The following LRRK1 variants were observed in gnomAD, a reference collection of about 807,000 sequenced individuals.
LRRK1 encodes leucine rich repeat kinase 1, also known as leucine-rich repeat serine/threonine-protein kinase 1.
A neutral mutation model predicts 209.1 loss-of-function variants in LRRK1; 113 were observed. The ratio of observed to expected loss-of-function variants is 0.54; its 90% CI spans 0.46 to 0.63. The LOEUF (loss-of-function observed/expected upper bound fraction) is 0.63. LRRK1 is among the 30% of genes least tolerant of loss of function. LRRK1 has a pLI of 0.00. For missense variants in LRRK1, 2,284 were observed against 2,632.2 expected (o/e 0.87, Z 2.89); for synonymous variants, 1,144 against 1,099.7 (o/e 1.04, Z -0.80).
chr15:100,932,201 G>C (rs2042225104), intron 2 of LRRK1, among the ~76,000 whole-genome samples: 1 of 152,140 alleles, frequency 6.6e-6, no homozygotes. Context: ...GGCCGGGCTG[G>C]TCTGGAACTC....
intron 6 of LRRK1, among the ~76,000 whole-genome samples, chr15:100,996,475 C>T (rs1383435814): frequency 6.6e-6 from 1 of 152,266 alleles, no homozygotes; most frequent in East Asian, 1.9e-4. Flanking sequence ...AAACCCTGGA[C>T]TGTTCCCAGC....
rs1567190997 is a variant in LRRK1 at position 100,941,410 on chromosome 15, CTCTGTGTGTGTG to C, written c.97+16683_97+16694del. Reference sequence around the variant, plus strand: ...TGTCTCTGTGTGTGTCTGTGTGTGTCTCTGTGTGTGTGTGTGTCTGTGTGTGTGTGTGTGTCT... The same window carrying C: ...TGTCTCTGTGTGTGTCTGTGTGTGTCTGTGTCTGTGTGTGTGTGTGTGTCT... On this transcript the variant is annotated intron_variant, in intron 2 of 33. Coordinates refer to ENST00000388948, the MANE Select transcript of LRRK1 (RefSeq NM_024652.6). Among the ~76,000 whole-genome samples, 104 of 14,470 alleles carry C rather than the reference CTCTGTGTGTGTG, an allele frequency of 7.2e-3. 7 individuals are homozygous for C. The highest frequency in any genetic ancestry group is 0.025 in the African/African-American group (94 of 3,794). The allele number at this position is 14,470 out of a possible 152,430, so 9.5% of individuals were successfully genotyped here. A position where few individuals can be genotyped will look rare whatever the true frequency, so the allele number is the denominator to read the frequency against.
In LRRK1 at chr15:100,956,455, C is replaced by T. The variant is rs146570102; in HGVS notation, c.98-17349C>T. Among the ~76,000 whole-genome samples the T allele has an allele frequency of 6.2e-3, 375 of 60,238 alleles. 5 individuals carry two copies. Among genetic ancestry groups the T allele is most frequent in the Middle Eastern group, 0.021 (2 of 94 alleles). The allele number at this position is 60,238 out of a possible 152,430, so 39.5% of individuals were successfully genotyped here. Reference sequence around the variant, plus strand: ...TTCGCTTTTCTTTCCTTTTTTTTTTCTTTTTTTTTTTTTTTTTTGAGACAG... The same window carrying T: ...TTCGCTTTTCTTTCCTTTTTTTTTTTTTTTTTTTTTTTTTTTTTGAGACAG... On this transcript the variant is annotated intron_variant, in intron 2 of 33. Transcript: ENST00000388948.
In LRRK1 at chr15:101,065,397, G is replaced by A; in HGVS notation, c.4960G>A (p.Val1654Met). The change falls in exon 32 of 34, where the codon GTG becomes ATG. Residue 1654 changes from valine to methionine, a missense_variant. This residue lies in a region of LRRK1 where 643 missense variants were observed against 695.9 expected (regional missense o/e 0.92). Coordinates refer to ENST00000388948, the MANE Select transcript of LRRK1 (RefSeq NM_024652.6). The stretch of plus-strand genomic sequence containing the variant: ...GGGCCTCGCCGATGGGCTTGTGGCT[G>A]TGTTTCCCGTGGTGCGGGGCACCCC... ...LAGLADGLVA[V>M]FPVVRGTPKD... is the part of the protein sequence containing the mutation. 2 of 1,614,094 alleles carry A rather than the reference G, an allele frequency of 1.2e-6. No individual in the cohort carries two copies. The highest frequency in any genetic ancestry group is 1.1e-5 in the South Asian group (1 of 91,088).
chr15:100,946,867 G>A (rs184093915), intron 2 of LRRK1, among the ~76,000 whole-genome samples: 2 of 152,188 alleles, frequency 1.3e-5, no homozygotes, highest in African/African-American at 4.8e-5. Flanking sequence ...GCCAGTCAAC[G>A]AATAGGTAGA....
chr15:100,931,623 C>A (rs1282523086), intron 2 of LRRK1, among the ~76,000 whole-genome samples: 1 of 152,124 alleles, frequency 6.6e-6, no homozygotes, highest in African/African-American at 2.4e-5. Flanking sequence ...AGGTTCAGGG[C>A]CTCGATCTGC....
intron 6 of LRRK1, among the ~76,000 whole-genome samples, chr15:100,993,781 A>G (rs1185765535): frequency 6.6e-6 from 1 of 152,142 alleles, no homozygotes; most frequent in Non-Finnish European, 1.5e-5. Context: ...CTATTAGTAT[A>G]TATTTTTCCA....
chr15:101,067,511 T>G (rs935667418), intron 33 of LRRK1: 35 of 287,322 alleles, frequency 1.2e-4, no homozygotes, highest in African/African-American at 7.2e-4. Context: ...CCCTGCAGCA[T>G]GAGTTATCCC....
At chr15:100,977,207 A>G (rs559699788) in intron 3 of LRRK1, among the ~76,000 whole-genome samples, 9 of 144,238 alleles carry the variant, frequency 6.2e-5, no homozygotes, top group Non-Finnish European at 1.4e-4. Flanking sequence ...AAAAATTCCA[A>G]GGAAAGCCTG....
Position 101,073,103 on chromosome 15 carries a change from T to C in LRRK1, c.*4255T>C, listed in dbSNP as rs1596373622. ...TCAAATCCAGTAAGCAGCCTCTTTT[T>C]ACTCTCTTCTCCAACCTCCCTCACT... On this transcript the variant is annotated 3_prime_UTR_variant, in exon 34 of 34. Coordinates refer to ENST00000388948, the MANE Select transcript of LRRK1 (RefSeq NM_024652.6). The C allele has an allele frequency of 1.1e-5, 2 of 174,398 alleles. No homozygotes were observed. The highest frequency in any genetic ancestry group is 3.4e-4 in the East Asian group (2 of 5,850). The allele number at this position is 174,398 out of a possible 1,614,324, so 10.8% of individuals were successfully genotyped here.
rs1306810748 is a variant in LRRK1, at chr15:101,010,760, T to C, written c.1204T>C (p.Ser402Pro). The C allele has an allele frequency of 6.2e-7, 1 of 1,613,922 alleles. No individual in the cohort carries two copies. The highest frequency in any genetic ancestry group is 1.7e-5 in the Admixed American group (1 of 60,006). ...LTELPALFLH[S>P]FKSLNSLNVS... ...AGAACTCCCTGCCCTGTTCCTTCACTCTTTCAAGTCCCTCAATTCTCTGAA... is the reference window on the plus strand; with the variant it reads ...AGAACTCCCTGCCCTGTTCCTTCACCCTTTCAAGTCCCTCAATTCTCTGAA... The change falls in exon 9 of 34, where the codon TCT (serine) becomes CCT (proline). Residue 402 changes from serine to proline, a missense_variant. This residue lies in a region of LRRK1 where 494 missense variants were observed against 522.1 expected (regional missense o/e 0.95). Transcript: ENST00000388948.
intron 1 of LRRK1, among the ~76,000 whole-genome samples, chr15:100,920,749 CTG>C (rs1319995392): frequency 6.6e-6 from 1 of 150,880 alleles, no homozygotes; most frequent in African/African-American, 2.4e-5. Flanking sequence ...CAGCGTGCGT[CTG>C]TGTGTGTCTG....
intron 21 of LRRK1, among the ~76,000 whole-genome samples, chr15:101,046,394 G>C (rs1008075278): frequency 6.6e-6 from 1 of 152,218 alleles, no homozygotes; most frequent in Non-Finnish European, 1.5e-5. Flanking sequence ...ATAAACAGTG[G>C]TTCTCAGTGT....
chr15:101,039,678 C>G (rs903195180), intron 20 of LRRK1, among the ~76,000 whole-genome samples: 7 of 152,144 alleles, frequency 4.6e-5, no homozygotes, highest in African/African-American at 1.7e-4. Context: ...GGGAAGCATT[C>G]AGTCTTTCAC....
In LRRK1 at chr15:101,073,178, TC is replaced by T. The variant is rs2036866212; in HGVS notation, c.*4333del. ...AATCTTGGCGCCACACTTCAATTTC[TC>T]CCTTCTCTTAACTTCAATTCCTTTC... is the stretch of plus-strand genomic sequence containing the variant. On this transcript the variant is annotated 3_prime_UTR_variant, in exon 34 of 34. Transcript: ENST00000388948. 1 of 153,098 alleles carries T rather than the reference TC, an allele frequency of 6.5e-6. No individual in the cohort carries two copies. The highest frequency in any genetic ancestry group is 6.5e-5 in the Admixed American group (1 of 15,302). 9.5% of individuals were successfully genotyped at this position (153,098 alleles called of 1,614,324 possible).
intron 30 of LRRK1, among the ~76,000 whole-genome samples, chr15:101,061,505 G>A (rs1453738323): frequency 6.6e-6 from 1 of 152,246 alleles, no homozygotes; most frequent in Non-Finnish European, 1.5e-5. Flanking sequence ...CTGCTGGCTG[G>A]AGGCCGGGAT....
At chr15:101,053,452 G>A (rs1302728644) in intron 26 of LRRK1, 32 bp downstream of exon 26, 2 of 1,530,230 alleles carry the variant, frequency 1.3e-6, no homozygotes, top group Non-Finnish European at 1.8e-6. Flanking sequence ...CCCGGCCCCG[G>A]AGACCGACAG....
intron 22 of LRRK1, 168 bp from the exon 23 acceptor site, chr15:101,049,476 C>T: frequency 1.5e-6 from 1 of 673,588 alleles, no homozygotes; most frequent in Admixed American, 3.3e-5. Flanking sequence ...AAGAACAAGG[C>T]AGGGCCACGC....
intron 26 of LRRK1, among the ~76,000 whole-genome samples, chr15:101,054,461 C>T (rs765939693): frequency 1.3e-5 from 2 of 152,252 alleles, no homozygotes; most frequent in Non-Finnish European, 2.9e-5. Context: ...CCAGGCCATT[C>T]TCTGTCCTTT....
Sources: gnomAD v4.1 joint callset for allele counts (sites outside exome capture counted in the v4.1 genomes callset) on GRCh38, gnomAD v4.1.1 for gene constraint, gnomAD v4.1.1 regional missense constraint, MANE v1.5 for transcripts, NCBI Gene and HGNC (gene_info 2026-07-23, HGNC 2026-07-21) for gene names.